The following CNTN4 variants were observed in gnomAD, a reference collection of about 807,000 sequenced individuals.
CNTN4 encodes the protein contactin-4.
CNTN4 carries 77 observed loss-of-function variants against 122.5 expected under a neutral mutation model. The ratio of observed to expected loss-of-function variants is 0.63; its 90% CI spans 0.52 to 0.76. The LOEUF is 0.76. Among genes scored for constraint, CNTN4 ranks in the 30% least tolerant of loss-of-function variants. The probability of loss-of-function intolerance (pLI) is 0.00; values close to 1 mark genes in which losing one functional copy is unlikely to be tolerated. For missense variants in CNTN4, 1,256 were observed against 1,259.1 expected (o/e 1.00, Z 0.04); for synonymous variants, 512 against 447.0 (o/e 1.15, Z -1.83).
At chr3:2,156,026 G>T (rs1241986694) in intron 2 of CNTN4, among the ~76,000 whole-genome samples, 1 of 152,174 alleles carries the variant, frequency 6.6e-6, no homozygotes, top group Non-Finnish European at 1.5e-5. Flanking sequence ...TCCAGTAAGA[G>T]ATTTCAGAAT....
At chr3:2,743,760 G>T (rs1342052280) in intron 5 of CNTN4, among the ~76,000 whole-genome samples, 4 of 152,176 alleles carry the variant, frequency 2.6e-5, no homozygotes, top group Non-Finnish European at 5.9e-5. Context: ...CTACATAAAG[G>T]AGCATGGACA....
intron 14 of CNTN4, among the ~76,000 whole-genome samples, chr3:3,007,285 G>T (rs903614246): frequency 4.6e-5 from 7 of 152,196 alleles, no homozygotes; most frequent in African/African-American, 1.7e-4. Flanking sequence ...CTGAAGGATG[G>T]TGGTGTGAGC....
intron 4 of CNTN4, among the ~76,000 whole-genome samples, chr3:2,594,414 AT>A (rs2080658507): frequency 1.7e-5 from 2 of 117,462 alleles, no homozygotes; most frequent in Admixed American, 1.2e-4. Flanking sequence ...AATAAAATGG[AT>A]CTTTTTTTTT....
intron 2 of CNTN4, among the ~76,000 whole-genome samples, chr3:2,315,449 C>T (rs1180921679): frequency 6.6e-6 from 1 of 151,662 alleles, no homozygotes; most frequent in Non-Finnish European, 1.5e-5. Flanking sequence ...CAGTGGATAT[C>T]CAGCTTGGTT....
At chr3:2,153,456 C>T (rs1298736574) in intron 2 of CNTN4, among the ~76,000 whole-genome samples, 1 of 152,152 alleles carries the variant, frequency 6.6e-6, no homozygotes, top group African/African-American at 2.4e-5. Context: ...GAATTGTTGA[C>T]TTTGATAAAT....
intron 3 of CNTN4, among the ~76,000 whole-genome samples, chr3:2,488,111 A>T (rs777872283): frequency 9.2e-5 from 14 of 152,360 alleles, no homozygotes; most frequent in Non-Finnish European, 1.0e-4. Context: ...CTTGGGCATT[A>T]GCCAGAATGC....
At position 2,212,352 on chromosome 3, in the gene CNTN4, A is replaced by T. The variant is rs144616025; in HGVS notation, c.-145+111713A>T. 2.0e-5 allele frequency among the ~76,000 whole-genome samples: 3 copies of T among 152,298 alleles called. No homozygotes were observed. The East Asian group carries it at 5.8e-4, about 29-fold the overall frequency. On this transcript the variant is annotated intron_variant, in intron 2 of 24. Transcript: ENST00000418658. ...GTCTGTTCTCTTGTTGCCAATAAAG[A>T]CATACGCAAGACTGGGTAACTGACA...
At chr3:2,262,346 A>T (rs1230117396) in intron 2 of CNTN4, 1 of 152,098 alleles carries the variant, frequency 6.6e-6, no homozygotes, top group Non-Finnish European at 1.5e-5. Flanking sequence ...TCTACTGCAG[A>T]CTTCGCTAAC....
At chr3:2,362,613 A>G (rs1388859050) in intron 3 of CNTN4, 4 of 488,882 alleles carry the variant, frequency 8.2e-6, no homozygotes, top group Admixed American at 2.4e-5. Flanking sequence ...GTGTAAGAAG[A>G]TAGCAAGGGC....
chr3:2,983,213 C>CAAAAAAAAAAA lies in CNTN4; in HGVS notation c.1359-5100_1359-5090dup, dbSNP rs57079892. Among the ~76,000 whole-genome samples the CAAAAAAAAAAA allele has an allele frequency of 2.1e-4, 4 of 19,016 alleles. 1 individual carries two copies. The highest frequency in any genetic ancestry group is 9.7e-4 in the Admixed American group (1 of 1,032). 12.5% of individuals were successfully genotyped at this position (19,016 alleles called of 152,430 possible). A position where few individuals can be genotyped will look rare whatever the true frequency, so the allele number is the denominator to read the frequency against. The stretch of plus-strand genomic sequence containing the variant: ...TGGGTGACAGAGCGAGACTCCATCT[C>CAAAAAAAAAAA]AAAAAAAAAAAAAAAAAAAAAAAAA... On this transcript the variant is annotated intron_variant, in intron 13 of 24. Transcript: ENST00000418658.
At chr3:2,257,259 C>T (rs1458142288) in intron 2 of CNTN4, among the ~76,000 whole-genome samples, 1 of 152,164 alleles carries the variant, frequency 6.6e-6, no homozygotes, top group Non-Finnish European at 1.5e-5. Context: ...AAACTGGAAC[C>T]CTTCCTTACA....
chr3:2,427,405 G>A (rs867535027), intron 3 of CNTN4, among the ~76,000 whole-genome samples: 1 of 152,174 alleles, frequency 6.6e-6, no homozygotes, highest in African/African-American at 2.4e-5. Flanking sequence ...TTAATCCTGA[G>A]TTCTAGTTTG....
intron 13 of CNTN4, among the ~76,000 whole-genome samples, chr3:2,975,493 G>C (rs1693335774): frequency 6.6e-6 from 1 of 152,162 alleles, no homozygotes; most frequent in Non-Finnish European, 1.5e-5. Flanking sequence ...GATTAAATGA[G>C]ATAATCAATG....
chr3:2,394,730 CA>C (rs2150915797), intron 3 of CNTN4, among the ~76,000 whole-genome samples: 1 of 149,346 alleles, frequency 6.7e-6, no homozygotes, highest in South Asian at 2.1e-4. Flanking sequence ...TGTTTGTACA[CA>C]AAGGAGTTTT....
chr3:2,695,122 C>T (rs901902709), intron 4 of CNTN4, among the ~76,000 whole-genome samples: 1 of 151,984 alleles, frequency 6.6e-6, no homozygotes, highest in Non-Finnish European at 1.5e-5. Flanking sequence ...CCTGGTGTAG[C>T]ACTGTTTCCA....
At chr3:2,129,926 T>G (rs1574898976) in intron 2 of CNTN4, among the ~76,000 whole-genome samples, 1 of 152,026 alleles carries the variant, frequency 6.6e-6, no homozygotes, top group South Asian at 2.1e-4. Context: ...TAAATGAAGG[T>G]TTTCAAAACT....
Position 2,638,881 on chromosome 3 carries a change from A to G in CNTN4, c.55+67323A>G, listed in dbSNP as rs572883419. Among the ~76,000 whole-genome samples, 5 of 152,226 alleles carry G rather than the reference A, an allele frequency of 3.3e-5. No individual in the cohort carries two copies. The East Asian group carries it at 9.6e-4, about 29-fold the overall frequency. ...GCCAATATGTGGCTTTACCTTTAAC[A>G]TATGTTCAGAACCCAACTATTAGTT... On this transcript the variant is annotated intron_variant, in intron 4 of 24. Transcript: ENST00000418658.
chr3:2,153,995 T>A (rs1174145162), intron 2 of CNTN4, among the ~76,000 whole-genome samples: 1 of 152,214 alleles, frequency 6.6e-6, no homozygotes, highest in Admixed American at 6.5e-5. Flanking sequence ...CCTTATCTTA[T>A]ATAAATCATA....
chr3:2,776,603 G>C (rs761576829), intron 6 of CNTN4, among the ~76,000 whole-genome samples: 2 of 152,054 alleles, frequency 1.3e-5, no homozygotes, highest in Non-Finnish European at 2.9e-5. Context: ...CTCTACTCTT[G>C]GTAGAATTGG....
Sources: allele counts gnomAD v4.1 joint callset (sites outside exome capture counted in the v4.1 genomes callset), GRCh38; gene constraint gnomAD v4.1.1; transcripts MANE v1.5; gene names NCBI Gene and HGNC (gene_info 2026-07-23, HGNC 2026-07-21).